The following GAP43 variants were observed in gnomAD, a reference collection of about 807,000 sequenced individuals.
GAP43 encodes the protein growth associated protein 43.
In GAP43, 6 loss-of-function variants were observed where a neutral mutation model predicts 18.6. That is an observed-to-expected ratio of 0.32 (90% confidence interval 0.18 to 0.64). The LOEUF (loss-of-function observed/expected upper bound fraction) is 0.64. Ranked by LOEUF, GAP43 falls within the 30% of genes least tolerant of loss-of-function variation. The pLI is 0.78. For missense variants in GAP43, 292 were observed against 295.5 expected, an observed-to-expected ratio of 0.99 and a Z score of 0.09; for synonymous variants, 115 against 111.4, an observed-to-expected ratio of 1.03 and a Z score of -0.20.
At chr3:115,687,029 A>G (rs374593187) in intron 2 of GAP43, among the ~76,000 whole-genome samples, 4 of 152,158 alleles carry the variant, frequency 2.6e-5, no homozygotes, top group South Asian at 2.1e-4. Context: ...TTTAAAATAT[A>G]TACACTAAAC....
chr3:115,674,527 T>C (rs747251332), intron 1 of GAP43, among the ~76,000 whole-genome samples: 1 of 152,228 alleles, frequency 6.6e-6, no homozygotes, highest in African/African-American at 2.4e-5. Flanking sequence ...GCTAGTCTCT[T>C]GTCTTTAGTA....
intron 1 of GAP43, among the ~76,000 whole-genome samples, chr3:115,631,419 G>A (rs1708258915): frequency 6.6e-6 from 1 of 152,154 alleles, no homozygotes; most frequent in Non-Finnish European, 1.5e-5. Flanking sequence ...TTAGGTTGGT[G>A]TGAGTCTCAA....
At chr3:115,697,489 C>T (rs72943772) in intron 2 of GAP43, among the ~76,000 whole-genome samples, 3,842 of 152,186 alleles carry the variant, frequency 0.025, 151 homozygotes, top group African/African-American at 0.085. Flanking sequence ...AGATGATGGC[C>T]GCTGGACAGC....
intron 2 of GAP43, among the ~76,000 whole-genome samples, chr3:115,689,990 A>G (rs1244838301): frequency 6.6e-6 from 1 of 152,190 alleles, no homozygotes; most frequent in Non-Finnish European, 1.5e-5. Flanking sequence ...GTACCAAGAG[A>G]CAGCCGTGGT....
chr3:115,665,207 A>G (rs1459903141), intron 1 of GAP43, among the ~76,000 whole-genome samples: 2 of 152,174 alleles, frequency 1.3e-5, no homozygotes, highest in Non-Finnish European at 1.5e-5. Context: ...TCTTGCAAAC[A>G]TGTTCTTTCC....
intron 1 of GAP43, among the ~76,000 whole-genome samples, chr3:115,662,950 G>A (rs1374482957): frequency 2.0e-5 from 3 of 152,150 alleles, no homozygotes; most frequent in Non-Finnish European, 4.4e-5. Flanking sequence ...ATTAATTCAA[G>A]AGTCGTAAAA....
rs571863678 is a variant in GAP43 at position 115,721,047 on chromosome 3, TAAAAA to T, written c.*178_*182del. On this transcript the variant is annotated 3_prime_UTR_variant, in exon 3 of 3. Transcript: ENST00000305124. ...TCTTTCTCTCTGTGTGGCAAACATT[TAAAAA>T]AAAAAAAAAAAAGCAGGAAAGATCC... 11 of 233,842 alleles carry T rather than the reference TAAAAA, an allele frequency of 4.7e-5. No individual in the cohort carries two copies. The highest frequency in any genetic ancestry group is 3.2e-5 in the Non-Finnish European group (4 of 124,828). The allele number at this position is 233,842 out of a possible 1,614,324, so 14.5% of individuals were successfully genotyped here.
chr3:115,645,522 T>C (rs544814678), intron 1 of GAP43, among the ~76,000 whole-genome samples: 1 of 152,094 alleles, frequency 6.6e-6, no homozygotes, highest in East Asian at 1.9e-4. Context: ...AACTTCATTG[T>C]ACCTGGTCAT....
intron 2 of GAP43, among the ~76,000 whole-genome samples, chr3:115,703,719 G>T (rs1709324999): frequency 6.6e-6 from 1 of 152,076 alleles, no homozygotes. Context: ...AGAAAAGTGA[G>T]GCATGATTTT....
Sources: gnomAD v4.1 joint callset for allele counts (sites outside exome capture counted in the v4.1 genomes callset) on GRCh38, gnomAD v4.1.1 for gene constraint, MANE v1.5 for transcripts, NCBI Gene and HGNC (gene_info 2026-07-23, HGNC 2026-07-21) for gene names.